The following ADH7 variants were observed in gnomAD, a reference collection of about 807,000 sequenced individuals.
ADH7 encodes the protein alcohol dehydrogenase 7 (class IV), mu or sigma polypeptide.
A neutral mutation model predicts 34.4 loss-of-function variants in ADH7; 41 were observed. That is an observed-to-expected ratio of 1.19 (90% CI 0.93 to 1.55). The LOEUF (loss-of-function observed/expected upper bound fraction) is 1.55, where lower values mean the gene tolerates loss of function less well. Among genes scored for constraint, ADH7 ranks in the 40% most tolerant of loss-of-function variants. The pLI is 0.00. For synonymous variants in ADH7, 180 were observed against 160.9 expected, an observed-to-expected ratio of 1.12 and a Z score of -0.90; for missense variants, 540 against 461.2, an observed-to-expected ratio of 1.17 and a Z score of -1.56.
intron 8 of ADH7, among the ~76,000 whole-genome samples, chr4:99,414,955 T>C (rs1415930162): frequency 6.6e-6 from 1 of 152,182 alleles, no homozygotes; most frequent in Non-Finnish European, 1.5e-5. Context: ...GTTGGTGATA[T>C]GGTTAGACTT....
intron 8 of ADH7, among the ~76,000 whole-genome samples, chr4:99,414,435 A>C (rs1560559080): frequency 6.6e-6 from 1 of 152,214 alleles, no homozygotes; most frequent in Non-Finnish European, 1.5e-5. Flanking sequence ...CCAATGAGTG[A>C]AAGTCATTTC....
At chr4:99,432,622 A>G (rs1232500792) in intron 1 of ADH7, 5 of 152,098 alleles carry the variant, frequency 3.3e-5, no homozygotes, top group Non-Finnish European at 7.3e-5. Context: ...TGCTTACTCA[A>G]ATTTACAGAG....
At chr4:99,418,918 C>G (rs1426980616) in intron 7 of ADH7, 68 bp downstream of exon 7, 4 of 1,572,938 alleles carry the variant, frequency 2.5e-6, no homozygotes, top group Non-Finnish European at 3.5e-6. Context: ...AGGAAACAGG[C>G]TTCTCCCACT....
At chr4:99,415,285 C>T (rs905485453) in intron 8 of ADH7, 193 bp downstream of exon 8, 8 of 576,032 alleles carry the variant, frequency 1.4e-5, no homozygotes, top group South Asian at 5.8e-5. Context: ...GACCCAGTCT[C>T]GGGCAGTTTT....
At chr4:99,419,820 ATAAAT>A (rs1287582677) in intron 6 of ADH7, among the ~76,000 whole-genome samples, 1 of 152,212 alleles carries the variant, frequency 6.6e-6, no homozygotes, top group Non-Finnish European at 1.5e-5. Context: ...GACAGCAATG[ATAAAT>A]TAAGGACTAT....
chr4:99,425,964 G>A (rs1417240434), intron 5 of ADH7, among the ~76,000 whole-genome samples: 1 of 152,058 alleles, frequency 6.6e-6, no homozygotes, highest in African/African-American at 2.4e-5. Flanking sequence ...TGACTACTGG[G>A]TACATAACGA....
intron 7 of ADH7, among the ~76,000 whole-genome samples, chr4:99,417,641 T>C (rs907491204): frequency 1.3e-5 from 2 of 152,176 alleles, no homozygotes; most frequent in Non-Finnish European, 2.9e-5. Context: ...GAGAGGATTC[T>C]CACACTTCCT....
At chr4:99,434,923 G>A (rs565723097) in intron 1 of ADH7, 235 of 1,026,092 alleles carry the variant, frequency 2.3e-4, no homozygotes, top group Middle Eastern at 2.2e-3. Flanking sequence ...TGGAGCAATT[G>A]CCCAGCTATC....
chr4:99,413,849 T>C (rs1336319074), intron 8 of ADH7, among the ~76,000 whole-genome samples: 2 of 152,110 alleles, frequency 1.3e-5, no homozygotes, highest in African/African-American at 2.4e-5. Flanking sequence ...AGGCTTAGAA[T>C]TGGTTTGTAT....
At chr4:99,417,104 C>G (rs284779) in intron 7 of ADH7, among the ~76,000 whole-genome samples, 86,028 of 151,906 alleles carry the variant, frequency 0.57, 26,494 homozygotes, top group African/African-American at 0.82. Context: ...TTCTTCCATG[C>G]TCTCCCTGCT....
chr4:99,417,899 C>G (rs542597253), intron 7 of ADH7, among the ~76,000 whole-genome samples: 1 of 152,236 alleles, frequency 6.6e-6, no homozygotes, highest in Admixed American at 6.5e-5. Context: ...CCTGAAAAGC[C>G]TTCTCTATAA....
At chr4:99,422,288 T>C (rs1721683890) in intron 5 of ADH7, among the ~76,000 whole-genome samples, 1 of 152,100 alleles carries the variant, frequency 6.6e-6, no homozygotes, top group South Asian at 2.1e-4. Flanking sequence ...ATAAAGAAAA[T>C]GTAGTACATA....
intron 7 of ADH7, 51 bp downstream of exon 7, chr4:99,418,935 G>C: frequency 6.3e-6 from 10 of 1,599,790 alleles, no homozygotes; most frequent in Non-Finnish European, 8.5e-6. Context: ...CACTTGCCAA[G>C]CACCAGAGTG....
chr4:99,422,977 T>C (rs1243784411), intron 5 of ADH7, among the ~76,000 whole-genome samples: 2 of 143,916 alleles, frequency 1.4e-5, no homozygotes, highest in African/African-American at 2.5e-5. Context: ...GCTGCACCCA[T>C]TAACTTGTCA....
intron 1 of ADH7, among the ~76,000 whole-genome samples, chr4:99,433,653 G>C (rs1005587608): frequency 6.6e-6 from 1 of 152,058 alleles, no homozygotes. Context: ...CAATATGGCT[G>C]GTGTCTTTAT....
chr4:99,427,998 T>C lies in ADH7; in HGVS notation c.348-9A>G. On this transcript the variant is annotated splice_polypyrimidine_tract_variant and intron_variant, in intron 4 of 8. Coordinates refer to ENST00000437033, the MANE Select transcript of ADH7 (RefSeq NM_000673.7). ...CTCCACGACCAGTAATACTGTTTGA[T>C]ACATCAAATACACGTATTAATTAAT... 1.2e-6 allele frequency: 2 copies of C among 1,613,706 alleles called. No homozygotes were observed. Among genetic ancestry groups the C allele is most frequent in the Non-Finnish European group, 1.7e-6 (2 of 1,179,732 alleles).
rs557685331 is a variant in ADH7 at position 99,429,719 on chromosome 4, G to A, written c.19-86C>T. 5 of 836,114 alleles carry A rather than the reference G, an allele frequency of 6.0e-6. No individual in the cohort carries two copies. In the South Asian group the frequency reaches 7.6e-5, roughly 13 times the overall value. 51.8% of individuals were successfully genotyped at this position (836,114 alleles called of 1,614,324 possible). A position where few individuals can be genotyped will look rare whatever the true frequency, so the allele number is the denominator to read the frequency against. ...GACTAGTATAAATATGAACAGAAGA[G>A]CATATATAATATTTTAAGTTTTCCA... On this transcript the variant is annotated intron_variant, in intron 1 of 8. Transcript: ENST00000437033.
At chr4:99,424,365 C>CT (rs1188743734) in intron 5 of ADH7, among the ~76,000 whole-genome samples, 1 of 152,182 alleles carries the variant, frequency 6.6e-6, no homozygotes, top group African/African-American at 2.4e-5. Flanking sequence ...GATGCATGCT[C>CT]TTTTTTGGTT....
At position 99,415,161 on chromosome 4, in the gene ADH7, AGCCTGTGAAGAAGGT is replaced by A. The variant is rs564116044; in HGVS notation, c.1100+302_1100+316del. On this transcript the variant is annotated intron_variant, in intron 8 of 8. Coordinates refer to ENST00000437033, the MANE Select transcript of ADH7 (RefSeq NM_000673.7). The stretch of plus-strand genomic sequence containing the variant: ...TTTGCTCGACACTTCTCCTTCCTGC[AGCCTGTGAAGAAGGT>A]GCCTTGCTTCCTCTTTGCCTTCCAC... Among the ~76,000 whole-genome samples, 71 of 152,254 alleles carry A rather than the reference AGCCTGTGAAGAAGGT, an allele frequency of 4.7e-4. No homozygotes were observed. The South Asian group carries it at 0.014, about 31-fold the overall frequency.
Sources: gnomAD v4.1 joint callset for allele counts (sites outside exome capture counted in the v4.1 genomes callset) on GRCh38, gnomAD v4.1.1 for gene constraint, MANE v1.5 for transcripts, NCBI Gene and HGNC (gene_info 2026-07-23, HGNC 2026-07-21) for gene names.